Variants in ENTREP2 observed in about 807,000 individuals in gnomAD.
ENTREP2 encodes endosomal transmembrane epsin interactor 2.
At chr15:29,410,081 C>A in the ENTREP2 span, among the ~76,000 whole-genome samples, 2 of 152,160 alleles carry the variant, frequency 1.3e-5, no homozygotes, top group Non-Finnish European at 2.9e-5. Flanking sequence ...TGCGTGCCTG[C>A]CCTCTGCTTT....
the ENTREP2 span, among the ~76,000 whole-genome samples, chr15:29,478,019 A>ATATAT: frequency 5.5e-5 from 3 of 54,288 alleles, no homozygotes; most frequent in Non-Finnish European, 9.0e-5. Context: ...ATATATATAT[A>ATATAT]TTTTTTTTTT....
chr15:29,485,208 T>G, the ENTREP2 span, among the ~76,000 whole-genome samples: 1 of 152,042 alleles, frequency 6.6e-6, no homozygotes, highest in African/African-American at 2.4e-5. Context: ...AAAAATGGAA[T>G]GGAGAGAAAG....
the ENTREP2 span, among the ~76,000 whole-genome samples, chr15:29,459,331 G>C: frequency 5.3e-5 from 8 of 152,270 alleles, no homozygotes; most frequent in East Asian, 1.5e-3. Flanking sequence ...CTATGAAATC[G>C]TTGGTGTGAC....
chr15:29,129,805 G>A, the ENTREP2 span, among the ~76,000 whole-genome samples: 42 of 152,308 alleles, frequency 2.8e-4, no homozygotes, highest in South Asian at 1.9e-3. Flanking sequence ...CCTCCCGGAT[G>A]CGATGTTTGG....
the ENTREP2 span, among the ~76,000 whole-genome samples, chr15:29,438,219 G>T: frequency 4.9e-4 from 75 of 152,226 alleles, no homozygotes; most frequent in Admixed American, 1.1e-3. Context: ...ATAATGAAGG[G>T]GAAGTGCCTT....
chr15:29,657,382 G>C, the ENTREP2 span, among the ~76,000 whole-genome samples: 1 of 147,330 alleles, frequency 6.8e-6, no homozygotes, highest in Non-Finnish European at 1.5e-5. Flanking sequence ...CAAATGGCAC[G>C]GACCCAAAAA....
chr15:29,275,762 G>C, the ENTREP2 span, among the ~76,000 whole-genome samples: 1 of 152,142 alleles, frequency 6.6e-6, no homozygotes, highest in African/African-American at 2.4e-5. Context: ...TATTTCTTGT[G>C]AATCAGAAAA....
chr15:29,607,890 TA>T, the ENTREP2 span, among the ~76,000 whole-genome samples: 1 of 151,880 alleles, frequency 6.6e-6, no homozygotes, highest in Non-Finnish European at 1.5e-5. Context: ...GTTTATTAAG[TA>T]TTAAATTATA....
chr15:29,501,847 G>A, the ENTREP2 span, among the ~76,000 whole-genome samples: 4 of 151,850 alleles, frequency 2.6e-5, no homozygotes, highest in African/African-American at 9.7e-5. Flanking sequence ...TAAGTTCAAT[G>A]TATAAAAATC....
the ENTREP2 span, among the ~76,000 whole-genome samples, chr15:29,222,954 G>A: frequency 1.3e-5 from 2 of 152,216 alleles, no homozygotes; most frequent in East Asian, 3.9e-4. Flanking sequence ...AGCTATACAG[G>A]AGAAAACTGC....
the ENTREP2 span, among the ~76,000 whole-genome samples, chr15:29,180,677 T>TAAACA: frequency 1.3e-5 from 2 of 150,860 alleles, no homozygotes; most frequent in Non-Finnish European, 3.0e-5. Context: ...AATAAATAAA[T>TAAACA]AAACAAAATA....
chr15:29,607,301 TTTC>T, the ENTREP2 span, among the ~76,000 whole-genome samples: 1 of 136,158 alleles, frequency 7.3e-6, no homozygotes, highest in Non-Finnish European at 1.5e-5. Context: ...TCTCTCTTCA[TTTC>T]TTTTTTTTTT....
the ENTREP2 span, among the ~76,000 whole-genome samples, chr15:29,153,708 T>G: frequency 6.6e-6 from 1 of 152,256 alleles, no homozygotes; most frequent in Non-Finnish European, 1.5e-5. Flanking sequence ...TCCATACTTT[T>G]GGTGTCAAGT....
the ENTREP2 span, among the ~76,000 whole-genome samples, chr15:29,135,837 G>A: frequency 1.3e-5 from 2 of 152,306 alleles, no homozygotes; most frequent in East Asian, 1.9e-4. This position sits in a 1 kb window ranked among gnomAD's most constrained non-coding sequence, Gnocchi z 7.4. Context: ...CAGGGATCCA[G>A]GGCTGCTTTC....
At chr15:29,288,228 G>T in the ENTREP2 span, among the ~76,000 whole-genome samples, 1 of 152,180 alleles carries the variant, frequency 6.6e-6, no homozygotes, top group African/African-American at 2.4e-5. Flanking sequence ...GCCTCTGAAA[G>T]CAAGAAACAC....
At chr15:29,656,614 A>G in the ENTREP2 span, among the ~76,000 whole-genome samples, 2 of 152,216 alleles carry the variant, frequency 1.3e-5, no homozygotes, top group East Asian at 1.9e-4. Flanking sequence ...ATAATTTACC[A>G]TTATTTGCCA....
the ENTREP2 span, among the ~76,000 whole-genome samples, chr15:29,446,453 G>A: frequency 2.0e-5 from 3 of 152,188 alleles, no homozygotes; most frequent in South Asian, 2.1e-4. Context: ...AGACAGACAC[G>A]CTACTTGGAG....
At chr15:29,618,219 C>T in the ENTREP2 span, among the ~76,000 whole-genome samples, 2 of 151,972 alleles carry the variant, frequency 1.3e-5, no homozygotes, top group South Asian at 2.1e-4. Flanking sequence ...GTCAGGAGTT[C>T]GAGACCAGCC....
At chr15:29,653,802 T>C in the ENTREP2 span, among the ~76,000 whole-genome samples, 2,156 of 151,482 alleles carry the variant, frequency 0.014, 45 homozygotes, top group African/African-American at 0.05. Flanking sequence ...TCATGTTTTT[T>C]ATTCTTGTCC....
Sources: gnomAD v4.1 joint callset for allele counts (sites outside exome capture counted in the v4.1 genomes callset) on GRCh38, gnomAD v4.1.1 for gene constraint, Gnocchi (gnomAD v3.1) non-coding constraint, MANE v1.5 for transcripts, NCBI Gene and HGNC (gene_info 2026-07-23, HGNC 2026-07-21) for gene names.